The following LRRC66 variants were observed in gnomAD, a reference collection of about 807,000 sequenced individuals.
LRRC66 encodes the protein leucine-rich repeat-containing protein 66.
Under a neutral mutation model 24.6 loss-of-function variants are expected in LRRC66, and 29 were observed. That is an observed-to-expected ratio of 1.18 (90% CI 0.88 to 1.61). The LOEUF is 1.61. LRRC66 is among the 40% of genes most tolerant of loss of function. The probability of loss-of-function intolerance (pLI) is 0.00; values close to 1 mark genes in which losing one functional copy is unlikely to be tolerated. For synonymous variants in LRRC66, 411 were observed against 397.6 expected (o/e 1.03, Z -0.40); for missense variants, 1,124 against 1,058.0 (o/e 1.06, Z -0.87).
At position 52,017,019 on chromosome 4, in the gene LRRC66, C is replaced by T. The variant is rs962008667; in HGVS notation, c.496+99G>A. ...TGCTCTGATCAAATTGCTTTACTTTCAGCTGTCCCTTGAACCTGAAAACAA... is the reference window on the plus strand; with the variant it reads ...TGCTCTGATCAAATTGCTTTACTTTTAGCTGTCCCTTGAACCTGAAAACAA... On this transcript the variant is annotated intron_variant, in intron 2 of 4. Coordinates refer to ENST00000682860, the MANE Select transcript of LRRC66 (RefSeq NM_001024611.3). 2.0e-5 allele frequency: 26 copies of T among 1,316,042 alleles called. No homozygotes were observed. The African/African-American group carries it at 2.1e-4, about 10-fold the overall frequency. The allele number at this position is 1,316,042 out of a possible 1,614,324, so 81.5% of individuals were successfully genotyped here. A position where few individuals can be genotyped will look rare whatever the true frequency, so the allele number is the denominator to read the frequency against.
In LRRC66 at chr4:51,996,069, C is replaced by CTT; in HGVS notation, c.951_952dup (p.Arg318LysfsTer133). ...TCCCTGGGGCCTCTCTGCTTTGCTC[C>CTT]TTATGAGGCTTTTCATGCGATGCAG... On this transcript the variant is annotated frameshift_variant, in exon 5 of 5. Transcript: ENST00000682860. LOFTEE classifies it low-confidence loss of function (END_TRUNC). 9 of 1,614,094 alleles carry CTT rather than the reference C, an allele frequency of 5.6e-6. No individual in the cohort carries two copies. The highest frequency in any genetic ancestry group is 7.6e-6 in the Non-Finnish European group (9 of 1,180,018).
At chr4:51,998,183 T>C (rs917670624) in intron 3 of LRRC66, among the ~76,000 whole-genome samples, 3 of 152,238 alleles carry the variant, frequency 2.0e-5, no homozygotes, top group African/African-American at 7.2e-5. Flanking sequence ...ATTAACTGTA[T>C]GTGAAAGCTT....
At chr4:52,013,992 G>A (rs1201584151) in intron 2 of LRRC66, among the ~76,000 whole-genome samples, 6 of 152,346 alleles carry the variant, frequency 3.9e-5, no homozygotes, top group Admixed American at 6.5e-5. Flanking sequence ...GGTGGCTCAC[G>A]CCTCTAATCC....
chr4:52,001,392 G>C (rs1020153803), intron 3 of LRRC66, among the ~76,000 whole-genome samples: 2 of 152,172 alleles, frequency 1.3e-5, no homozygotes, highest in Non-Finnish European at 2.9e-5. Flanking sequence ...CAGGGAGCCA[G>C]GGAAGAGGCT....
intron 3 of LRRC66, among the ~76,000 whole-genome samples, chr4:51,998,697 A>G (rs1173757163): frequency 6.6e-6 from 1 of 152,242 alleles, no homozygotes; most frequent in South Asian, 2.1e-4. Flanking sequence ...GTGGCTCTAG[A>G]AACAGAGAGC....
At chr4:52,003,641 A>G (rs966180419) in intron 2 of LRRC66, among the ~76,000 whole-genome samples, 1 of 152,224 alleles carries the variant, frequency 6.6e-6, no homozygotes, top group Non-Finnish European at 1.5e-5. Flanking sequence ...TGTCCTTGGG[A>G]AAAAGAGCCA....
Position 51,995,602 on chromosome 4 carries a change from T to C in LRRC66, c.1420A>G (p.Thr474Ala), listed in dbSNP as rs1352798752. 1.2e-6 allele frequency: 2 copies of C among 1,613,664 alleles called. No individual in the cohort carries two copies. Among genetic ancestry groups the C allele is most frequent in the African/African-American group, 2.7e-5 (2 of 74,780 alleles). Residue 474 changes from threonine (T) to alanine (A), a missense_variant, in exon 5 of 5, where the codon ACT (threonine) becomes GCT (alanine). Coordinates refer to ENST00000682860, the MANE Select transcript of LRRC66 (RefSeq NM_001024611.3). Reference protein sequence around the residue: ...HPHATVIPDRTLGRSRKDPGS... With the variant: ...HPHATVIPDRALGRSRKDPGS... The stretch of plus-strand genomic sequence containing the variant: ...GGATCCTTTCTGCTCCTTCCCAGAG[T>C]TCTATCAGGAATTACGGTGGCGTGT...
At position 52,020,312 on chromosome 4, in the gene LRRC66, C is replaced by T. The variant is rs1217935735; in HGVS notation, c.-14G>A. Among the ~76,000 whole-genome samples, 1 of 152,192 alleles carries T rather than the reference C, an allele frequency of 6.6e-6. No homozygotes were observed. Among genetic ancestry groups the T allele is most frequent in the Admixed American group, 6.5e-5 (1 of 15,276 alleles). On this transcript the variant is annotated 5_prime_UTR_variant, in exon 1 of 5. Coordinates refer to ENST00000682860, the MANE Select transcript of LRRC66 (RefSeq NM_001024611.3). Reference sequence around the variant, plus strand: ...ATGCCTCTAAGACATACCTTCGTATCCTAAGTGGTTATCAAATGGGTGGAT... The same window carrying T: ...ATGCCTCTAAGACATACCTTCGTATTCTAAGTGGTTATCAAATGGGTGGAT...
At chr4:51,996,189 C>T (rs2110191199) in intron 4 of LRRC66, 24 bp from the exon 5 acceptor site, 2 of 1,526,256 alleles carry the variant, frequency 1.3e-6, no homozygotes, top group Admixed American at 2.2e-5. Context: ...TAAAAAAATA[C>T]ACATTGAGCG....
intron 2 of LRRC66, among the ~76,000 whole-genome samples, chr4:52,015,861 T>C (rs1736798159): frequency 1.3e-5 from 2 of 152,144 alleles, no homozygotes. Context: ...TTCTATGATA[T>C]GAAAATACAA....
chr4:52,018,332 G>T, intron 1 of LRRC66: 1 of 984,650 alleles, frequency 1.0e-6, no homozygotes, highest in Non-Finnish European at 1.2e-6. Context: ...TTTTTAAAAA[G>T]AAGTGTGTAC....
intron 3 of LRRC66, among the ~76,000 whole-genome samples, chr4:52,002,935 G>C (rs983963795): frequency 4.6e-5 from 7 of 152,128 alleles, no homozygotes; most frequent in Non-Finnish European, 8.8e-5. Flanking sequence ...CTTGCCAACT[G>C]GTAAGTGAAA....
At position 51,994,632 on chromosome 4, in the gene LRRC66, TC is replaced by T. The variant is rs759783005; in HGVS notation, c.2389del (p.Asp797IlefsTer18). The T allele has an allele frequency of 6.2e-7, 1 of 1,607,516 alleles. No individual in the cohort carries two copies. The highest frequency in any genetic ancestry group is 8.5e-7 in the Non-Finnish European group (1 of 1,174,704). On this transcript the variant is annotated frameshift_variant, in exon 5 of 5. Transcript: ENST00000682860. LOFTEE classifies it low-confidence loss of function (END_TRUNC). ...KTHLENASDT[D>X]RSEGLSPWPR... ...CCAGGGTGACAGGCCCTCAGATCTA[TC>T]AGTGTCAGAGGCATTTTCCAGATGA...
Position 51,995,138 on chromosome 4 carries a change from T to C in LRRC66, c.1884A>G (p.Ser628=). 2 of 1,614,238 alleles carry C rather than the reference T, an allele frequency of 1.2e-6. No homozygotes were observed. Among genetic ancestry groups the C allele is most frequent in the Non-Finnish European group, 1.7e-6 (2 of 1,180,034 alleles). ...GCTGTATGCTCAGCAAATCAATGGATGAACTCACTTGCCTTTCCTTAGAAA... is the reference window on the plus strand; with the variant it reads ...GCTGTATGCTCAGCAAATCAATGGACGAACTCACTTGCCTTTCCTTAGAAA... ...MEFSKERQVS[S]SIDLLSIQQP... Residue 628 remains serine (S), a synonymous_variant, in exon 5 of 5, where the codon TCA becomes TCG. Transcript: ENST00000682860.
intron 1 of LRRC66, among the ~76,000 whole-genome samples, chr4:52,019,210 A>C (rs1221719740): frequency 6.6e-6 from 1 of 152,132 alleles, no homozygotes; most frequent in East Asian, 1.9e-4. Flanking sequence ...GATTCATCTC[A>C]CATCTTATGG....
chr4:52,013,507 A>G (rs555707112), intron 2 of LRRC66, among the ~76,000 whole-genome samples: 1 of 152,326 alleles, frequency 6.6e-6, no homozygotes, highest in East Asian at 1.9e-4. Flanking sequence ...GACTGATCCC[A>G]TTGTTTTCAT....
At chr4:52,010,921 G>GA (rs1215698055) in intron 2 of LRRC66, among the ~76,000 whole-genome samples, 3 of 152,064 alleles carry the variant, frequency 2.0e-5, no homozygotes, top group Non-Finnish European at 4.4e-5. Flanking sequence ...TAATTATGCT[G>GA]AAAAAAGACG....
At chr4:52,005,903 G>T (rs967538080) in intron 2 of LRRC66, among the ~76,000 whole-genome samples, 3 of 152,192 alleles carry the variant, frequency 2.0e-5, no homozygotes, top group Non-Finnish European at 4.4e-5. Context: ...AACCTCTGGA[G>T]AAAATGTTTC....
At chr4:52,010,435 T>C (rs1201311102) in intron 2 of LRRC66, among the ~76,000 whole-genome samples, 1 of 152,178 alleles carries the variant, frequency 6.6e-6, no homozygotes, top group African/African-American at 2.4e-5. Flanking sequence ...GTAGTGAGCA[T>C]AGTACTCAAT....
Sources: allele counts gnomAD v4.1 joint callset (sites outside exome capture counted in the v4.1 genomes callset), GRCh38; gene constraint gnomAD v4.1.1; transcripts MANE v1.5; gene names NCBI Gene and HGNC (gene_info 2026-07-23, HGNC 2026-07-21).